Variants in PRR5L observed in about 807,000 individuals in gnomAD.
The protein encoded by PRR5L is proline-rich protein 5-like.
Under a neutral mutation model 36.4 loss-of-function variants are expected in PRR5L, and 21 were observed. The observed-to-expected ratio is 0.58, with a 90% CI of 0.41 to 0.83. The LOEUF (loss-of-function observed/expected upper bound fraction) is 0.83, where lower values mean the gene tolerates loss of function less well. Among genes scored for constraint, PRR5L ranks in the 40% least tolerant of loss-of-function variants. The probability of loss-of-function intolerance (pLI) is 0.00; values close to 1 mark genes in which losing one functional copy is unlikely to be tolerated. For missense variants in PRR5L, 381 were observed against 473.3 expected (o/e 0.80, Z 1.81); for synonymous variants, 188 against 197.0 (o/e 0.95, Z 0.38).
chr11:36,350,770 A>G (rs1399883515), intron 1 of PRR5L, among the ~76,000 whole-genome samples: 1 of 150,746 alleles, frequency 6.6e-6, no homozygotes, highest in African/African-American at 2.4e-5. Flanking sequence ...GCTCCCACTT[A>G]TGAGTGAGAA....
intron 4 of PRR5L, among the ~76,000 whole-genome samples, chr11:36,421,571 G>A (rs1298902484): frequency 1.3e-5 from 2 of 152,028 alleles, no homozygotes; most frequent in African/African-American, 4.8e-5. Flanking sequence ...TAAGTGTCAT[G>A]TGGGCACACA....
intron 3 of PRR5L, among the ~76,000 whole-genome samples, chr11:36,405,249 G>C (rs1482393718): frequency 6.6e-6 from 1 of 152,170 alleles, no homozygotes; most frequent in Non-Finnish European, 1.5e-5. Context: ...TGTCAAAAGA[G>C]GATTACCCTG....
intron 3 of PRR5L, among the ~76,000 whole-genome samples, chr11:36,418,091 T>C (rs116532777): frequency 0.015 from 2,327 of 152,314 alleles, 47 homozygotes; most frequent in African/African-American, 0.042. Flanking sequence ...ATCTTGTGAG[T>C]ATATTTATTA....
intron 2 of PRR5L, among the ~76,000 whole-genome samples, chr11:36,402,390 C>T (rs961111507): frequency 4.7e-4 from 71 of 152,192 alleles, no homozygotes; most frequent in Middle Eastern, 3.4e-3. Context: ...TTTACAAGTG[C>T]GTGCCACCAC....
intron 5 of PRR5L, among the ~76,000 whole-genome samples, chr11:36,433,860 G>A (rs1464046750): frequency 6.6e-6 from 1 of 152,184 alleles, no homozygotes; most frequent in Non-Finnish European, 1.5e-5. Context: ...GCATTTTGGA[G>A]TCAGGCTAGT....
At chr11:36,405,448 C>T (rs910567007) in intron 3 of PRR5L, among the ~76,000 whole-genome samples, 2 of 152,180 alleles carry the variant, frequency 1.3e-5, no homozygotes, top group Non-Finnish European at 2.9e-5. Flanking sequence ...TAACACCAGC[C>T]ATTGCATGCA....
At chr11:36,416,282 T>A (rs1182164048) in intron 3 of PRR5L, among the ~76,000 whole-genome samples, 1 of 152,204 alleles carries the variant, frequency 6.6e-6, no homozygotes, top group African/African-American at 2.4e-5. Context: ...AGCTTACTGA[T>A]TTGCCCAGGT....
chr11:36,454,863 G>A (rs1388238602), intron 8 of PRR5L: 2 of 152,272 alleles, frequency 1.3e-5, no homozygotes, highest in South Asian at 2.1e-4. Context: ...GAGAGAACGT[G>A]CCGCTCTCTC....
intron 1 of PRR5L, among the ~76,000 whole-genome samples, chr11:36,334,183 G>A (rs1199705493): frequency 6.6e-6 from 1 of 152,210 alleles, no homozygotes; most frequent in Non-Finnish European, 1.5e-5. Flanking sequence ...AGGAGGCTGG[G>A]AAATGTAGTC....
chr11:36,389,614 AT>A (rs368918273), intron 1 of PRR5L, among the ~76,000 whole-genome samples: 5,536 of 134,920 alleles, frequency 0.041, 133 homozygotes, highest in East Asian at 0.1. Context: ...AGCCCCATGT[AT>A]TTTTTTTTTT....
intron 1 of PRR5L, among the ~76,000 whole-genome samples, chr11:36,339,639 A>G (rs1856799859): frequency 6.6e-6 from 1 of 152,194 alleles, no homozygotes; most frequent in South Asian, 2.1e-4. Flanking sequence ...AGGTTAAGTT[A>G]CTTGCCCAAA....
chr11:36,308,177 A>G (rs1856454708), intron 1 of PRR5L, among the ~76,000 whole-genome samples: 3 of 152,252 alleles, frequency 2.0e-5, no homozygotes. Flanking sequence ...GAACCAATGT[A>G]TCCAGCATTG....
In PRR5L at chr11:36,356,132, G is replaced by T. The variant is rs528347383; in HGVS notation, c.-125-44865G>T. On this transcript the variant is annotated intron_variant, in intron 1 of 8. Coordinates refer to ENST00000530639, the MANE Select transcript of PRR5L (RefSeq NM_001160167.2). ...TCACCATGTTGCCTGGGCTGGTCTC[G>T]ACCTCCTGAGCTCAATTGATCTGCC... Among the ~76,000 whole-genome samples, 3 of 151,824 alleles carry T rather than the reference G, an allele frequency of 2.0e-5. No homozygotes were observed. In the South Asian group the frequency reaches 6.3e-4, roughly 32 times the overall value.
intron 8 of PRR5L, among the ~76,000 whole-genome samples, chr11:36,458,410 C>T (rs1287646897): frequency 1.3e-5 from 2 of 152,286 alleles, no homozygotes; most frequent in East Asian, 1.9e-4. Context: ...GACTAAACAG[C>T]GAGATCATGG....
intron 4 of PRR5L, among the ~76,000 whole-genome samples, chr11:36,430,828 A>T (rs1269854278): frequency 6.6e-6 from 1 of 152,224 alleles, no homozygotes; most frequent in African/African-American, 2.4e-5. Flanking sequence ...GCTGAGCTGG[A>T]ACTTGAACTG....
intron 3 of PRR5L, among the ~76,000 whole-genome samples, chr11:36,415,944 C>T (rs1270480026): frequency 6.6e-6 from 1 of 152,108 alleles, no homozygotes; most frequent in South Asian, 2.1e-4. Flanking sequence ...AATGTGTATT[C>T]TTATTTTTCT....
intron 1 of PRR5L, among the ~76,000 whole-genome samples, chr11:36,351,247 T>TG (rs1491346898): frequency 4.0e-5 from 3 of 74,828 alleles, no homozygotes; most frequent in African/African-American, 1.7e-4. Context: ...TTTATATATA[T>TG]TTTTATATAT....
At chr11:36,375,021 G>A (rs1565425468) in intron 1 of PRR5L, among the ~76,000 whole-genome samples, 2 of 151,158 alleles carry the variant, frequency 1.3e-5, no homozygotes, top group Non-Finnish European at 3.0e-5. Flanking sequence ...GATCACTTGA[G>A]GTCAGGAGTT....
At chr11:36,348,611 C>G (rs1856891522) in intron 1 of PRR5L, among the ~76,000 whole-genome samples, 1 of 152,186 alleles carries the variant, frequency 6.6e-6, no homozygotes. Context: ...GTGTCATAAC[C>G]ATAACTGTAA....
Sources: gnomAD v4.1 joint callset for allele counts (sites outside exome capture counted in the v4.1 genomes callset) on GRCh38, gnomAD v4.1.1 for gene constraint, MANE v1.5 for transcripts, NCBI Gene and HGNC (gene_info 2026-07-23, HGNC 2026-07-21) for gene names.